COBL: variants seen among roughly 807,000 people sequenced by gnomAD.
COBL encodes cordon-bleu WH2 repeat protein.
Under a neutral mutation model 98.8 loss-of-function variants are expected in COBL, and 51 were observed. That is an observed-to-expected ratio of 0.52 (90% CI 0.41 to 0.65). The LOEUF (loss-of-function observed/expected upper bound fraction) is 0.65, where lower values mean the gene tolerates loss of function less well. COBL is among the 30% of genes least tolerant of loss of function. The pLI is 0.00. For synonymous variants in COBL, 634 were observed against 651.7 expected (o/e 0.97, Z 0.41); for missense variants, 1,617 against 1,617.5 (o/e 1.00, Z 0.01).
intron 2 of COBL, among the ~76,000 whole-genome samples, chr7:51,205,041 T>C (rs918115690): frequency 4.6e-5 from 7 of 152,230 alleles, no homozygotes; most frequent in African/African-American, 1.7e-4. Context: ...AGCTGTCCTG[T>C]GTTCATGGAT....
intron 5 of COBL, among the ~76,000 whole-genome samples, chr7:51,142,064 G>A (rs192601115): frequency 5.3e-4 from 80 of 152,202 alleles, no homozygotes; most frequent in Non-Finnish European, 1.2e-4. Flanking sequence ...CCGAGGAAGC[G>A]GCAAAGAAAG....
chr7:51,076,881 T>G (rs1053846056), intron 7 of COBL, among the ~76,000 whole-genome samples: 8 of 152,180 alleles, frequency 5.3e-5, no homozygotes, highest in Non-Finnish European at 1.0e-4. Context: ...TTTAAAAATG[T>G]AAAGTAAATT....
chr7:51,141,387 A>G (rs754272417), intron 5 of COBL, among the ~76,000 whole-genome samples: 13 of 152,160 alleles, frequency 8.5e-5, no homozygotes, highest in Non-Finnish European at 1.8e-4. Flanking sequence ...ATCCTCTTAG[A>G]AGGACATGAT....
intron 6 of COBL, among the ~76,000 whole-genome samples, chr7:51,107,087 TGTTTG>T (rs376864325): frequency 6.4e-4 from 82 of 128,786 alleles, no homozygotes; most frequent in East Asian, 1.2e-3. Context: ...GATCCTAGTT[TGTTTG>T]TTTTTTTTTT....
At chr7:51,179,643 T>C (rs1346653661) in intron 5 of COBL, among the ~76,000 whole-genome samples, 3 of 152,202 alleles carry the variant, frequency 2.0e-5, no homozygotes, top group African/African-American at 7.2e-5. Context: ...GATGCTCTCT[T>C]TTCCTAAAAG....
chr7:51,125,765 A>AT (rs983030759), intron 6 of COBL, among the ~76,000 whole-genome samples: 1 of 152,050 alleles, frequency 6.6e-6, no homozygotes, highest in Admixed American at 6.5e-5. Context: ...CCTGAGAGAA[A>AT]TTTTTTTTCT....
At chr7:51,056,555 T>C (rs767179155) in intron 7 of COBL, among the ~76,000 whole-genome samples, 1 of 152,192 alleles carries the variant, frequency 6.6e-6, no homozygotes, top group Non-Finnish European at 1.5e-5. Context: ...TTATTAGTTA[T>C]TTGTATCAAT....
chr7:51,290,860 T>C (rs1483591292), intron 1 of COBL, among the ~76,000 whole-genome samples: 1 of 152,046 alleles, frequency 6.6e-6, no homozygotes, highest in African/African-American at 2.4e-5. Flanking sequence ...TGAAGCAGGG[T>C]GCCTCCCCAG....
intron 1 of COBL, among the ~76,000 whole-genome samples, chr7:51,261,106 G>A (rs1054685825): frequency 3.9e-5 from 6 of 152,186 alleles, no homozygotes; most frequent in Non-Finnish European, 5.9e-5. Flanking sequence ...CCCCACCGCA[G>A]GAGATGTGCA....
chr7:51,254,731 C>T (rs914238915), intron 1 of COBL, among the ~76,000 whole-genome samples: 45 of 152,280 alleles, frequency 3.0e-4, no homozygotes, highest in African/African-American at 1.0e-3. Context: ...TGTCTATGAA[C>T]ACCAGCTTTT....
chr7:51,038,350 C>A (rs549316780), intron 8 of COBL, among the ~76,000 whole-genome samples: 1 of 152,168 alleles, frequency 6.6e-6, no homozygotes, highest in Non-Finnish European at 1.5e-5. Context: ...AGTGAAGATG[C>A]CACTGGGCCA....
rs1583673050 is a variant in COBL, at chr7:51,068,673, T to C, written c.1096+16493A>G. ...GATGGTTTCATGGTGTATACAAGAG[T>C]CGAAACTGATTATATTATATACTTT... On this transcript the variant is annotated intron_variant, in intron 7 of 12. Coordinates refer to ENST00000265136, the MANE Select transcript of COBL (RefSeq NM_015198.5). 2.0e-5 allele frequency among the ~76,000 whole-genome samples: 3 copies of C among 151,914 alleles called. No homozygotes were observed. In the South Asian group the frequency reaches 6.2e-4, roughly 32 times the overall value.
intron 1 of COBL, among the ~76,000 whole-genome samples, chr7:51,224,251 T>C (rs541146291): frequency 6.6e-6 from 1 of 152,200 alleles, no homozygotes; most frequent in South Asian, 2.1e-4. Flanking sequence ...AAGCTATGTA[T>C]GACCGTACTT....
chr7:51,066,628 G>T (rs1169089483), intron 7 of COBL, among the ~76,000 whole-genome samples: 2 of 152,050 alleles, frequency 1.3e-5, no homozygotes, highest in African/African-American at 2.4e-5. Context: ...TAGATTTAAG[G>T]GTTACTCCAG....
intron 12 of COBL, among the ~76,000 whole-genome samples, chr7:51,019,909 T>A (rs1786756152): frequency 6.6e-6 from 1 of 152,208 alleles, no homozygotes; most frequent in African/African-American, 2.4e-5. Context: ...AGGGCTTAGA[T>A]GAAAAGAGAG....
intron 6 of COBL, among the ~76,000 whole-genome samples, chr7:51,133,443 T>G (rs1179676202): frequency 6.6e-6 from 1 of 152,198 alleles, no homozygotes; most frequent in Admixed American, 6.5e-5. Flanking sequence ...GGAGGTAGTT[T>G]GCTATGAAGG....
At chr7:51,179,660 G>C (rs565558750) in intron 5 of COBL, among the ~76,000 whole-genome samples, 1 of 152,162 alleles carries the variant, frequency 6.6e-6, no homozygotes, top group South Asian at 2.1e-4. Context: ...AAAGTTCTTT[G>C]TAAATGCCAA....
chr7:51,261,705 G>A (rs1383333739), intron 1 of COBL, among the ~76,000 whole-genome samples: 6 of 152,292 alleles, frequency 3.9e-5, no homozygotes, highest in African/African-American at 9.6e-5. Flanking sequence ...GGTGGCTCAC[G>A]CCTGTAGTCC....
rs552238662 is a variant in COBL at position 51,110,422 on chromosome 7, G to A, written c.958-25118C>T. On this transcript the variant is annotated intron_variant, in intron 6 of 12. Transcript: ENST00000265136. ...AATGGCCTCCAGTTCCATCCATGTC[G>A]CTGTAAATGACAGGATTTCATTTTT... 2.6e-4 allele frequency among the ~76,000 whole-genome samples: 39 copies of A among 152,250 alleles called. No homozygotes were observed. In the South Asian group the frequency reaches 7.1e-3, roughly 28 times the overall value.
Sources: gnomAD v4.1 joint callset for allele counts (sites outside exome capture counted in the v4.1 genomes callset) on GRCh38, gnomAD v4.1.1 for gene constraint, MANE v1.5 for transcripts, NCBI Gene and HGNC (gene_info 2026-07-23, HGNC 2026-07-21) for gene names.